Variants in TMEM26 observed in about 807,000 individuals in gnomAD.
TMEM26 encodes the protein transmembrane protein 26.
In TMEM26, 38 loss-of-function variants were observed where a neutral mutation model predicts 28.8. That is an observed-to-expected ratio of 1.32 (90% CI 1.02 to 1.73). The LOEUF is 1.73. TMEM26 is among the 40% of genes most tolerant of loss of function. The pLI is 0.00. For missense variants in TMEM26, 518 were observed against 447.1 expected (o/e 1.16, Z -1.43); for synonymous variants, 227 against 182.9 (o/e 1.24, Z -1.95).
Position 61,408,151 on chromosome 10 carries a change from A to G in TMEM26, c.*2171T>C, listed in dbSNP as rs1462328611. ...AGCTAGGTTAACAAATGCTGCCCCA[A>G]GCAGATTTTCCTGGAAAACCTTGCA... On this transcript the variant is annotated 3_prime_UTR_variant, in exon 6 of 6. Transcript: ENST00000399298. The G allele has an allele frequency of 6.6e-6, 1 of 152,212 alleles. No individual in the cohort carries two copies. The highest frequency in any genetic ancestry group is 2.4e-5 in the African/African-American group (1 of 41,444). 9.4% of individuals were successfully genotyped at this position (152,212 alleles called of 1,614,324 possible).
rs74652777 is a variant in TMEM26, at chr10:61,426,021, A to G, written c.605+2905T>C. On this transcript the variant is annotated intron_variant, in intron 4 of 5. Coordinates refer to ENST00000399298, the MANE Select transcript of TMEM26 (RefSeq NM_178505.8). ...TAGCAACATCATTCTTAATATGAAA[A>G]AGCTGGAAGTTATCCACATGTACAT... Among the ~76,000 whole-genome samples the G allele has an allele frequency of 4.8e-3, 732 of 152,254 alleles. 4 individuals carry two copies. Among genetic ancestry groups the G allele is most frequent in the African/African-American group, 0.016 (672 of 41,566 alleles).
At chr10:61,426,939 A>T (rs1489767638) in intron 4 of TMEM26, among the ~76,000 whole-genome samples, 1 of 151,974 alleles carries the variant, frequency 6.6e-6, no homozygotes, top group African/African-American at 2.4e-5. Context: ...AGAGAGAAAA[A>T]TTTTATATCC....
intron 1 of TMEM26, among the ~76,000 whole-genome samples, chr10:61,441,447 T>C (rs1269460137): frequency 6.6e-6 from 1 of 152,234 alleles, no homozygotes; most frequent in Non-Finnish European, 1.5e-5. Context: ...TTCTTGATCA[T>C]GTGTTGTCTG....
chr10:61,436,663 T>C (rs1429149752), intron 1 of TMEM26, among the ~76,000 whole-genome samples: 1 of 152,204 alleles, frequency 6.6e-6, no homozygotes, highest in East Asian at 1.9e-4. Context: ...GCTACATTTT[T>C]CAACATTAAC....
rs754711937 is a variant in TMEM26 at position 61,453,023 on chromosome 10, G to A, written c.59C>T (p.Ser20Leu). ...LATRLLFLLH[S>L]LVGVWRVTEV... ...GGTCACTCGCCAGACCCCGACCAGC[G>A]AGTGCAGCAGGAACAGCAACCGAGT... is the stretch of plus-strand genomic sequence containing the variant. Residue 20 changes from serine (S) to leucine (L), a missense_variant, in exon 1 of 6, where the codon TCG becomes TTG. Ser to Leu is a moderately radical substitution (Grantham distance 145). Coordinates refer to ENST00000399298, the MANE Select transcript of TMEM26 (RefSeq NM_178505.8). 2 of 1,613,902 alleles carry A rather than the reference G, an allele frequency of 1.2e-6. No homozygotes were observed. Among genetic ancestry groups the A allele is most frequent in the Non-Finnish European group, 1.7e-6 (2 of 1,180,032 alleles).
At position 61,410,628 on chromosome 10, in the gene TMEM26, G is replaced by A; in HGVS notation, c.801C>T (p.Pro267=). The A allele has an allele frequency of 6.2e-7, 1 of 1,614,140 alleles. No individual in the cohort carries two copies. Among genetic ancestry groups the A allele is most frequent in the Non-Finnish European group, 8.5e-7 (1 of 1,180,020 alleles). ...TCAGTATGAGACGCACGACAAGGAA[G>A]GGGCCATCTTGTATGAAGACGCTGA... ...IGISVFIQDG[P]FLVVRLILMT... The change falls in exon 6 of 6, where the codon CCC becomes CCT. Residue 267 remains proline (P), a synonymous_variant. Transcript: ENST00000399298.
In TMEM26 at chr10:61,452,900, C is replaced by CG. The variant is rs1422120929; in HGVS notation, c.181_182insC (p.Gly61AlafsTer15). On this transcript the variant is annotated frameshift_variant, in exon 1 of 6. Transcript: ENST00000399298. LOFTEE classifies it high-confidence loss of function. ...CCCGGGGCACTCTCACCATTTGTAG[C>CG]CTCTGCCGCGCTTGAACTTGAGGGT... 6.2e-7 allele frequency: 1 copy of CG among 1,613,260 alleles called. No individual in the cohort carries two copies. The highest frequency in any genetic ancestry group is 1.3e-5 in the African/African-American group (1 of 75,036).
At chr10:61,433,079 T>G (rs1470582963) in intron 2 of TMEM26, among the ~76,000 whole-genome samples, 1 of 152,170 alleles carries the variant, frequency 6.6e-6, no homozygotes. Flanking sequence ...GACCTTAATA[T>G]GTTTTTGACA....
chr10:61,413,041 T>C (rs371734464), intron 5 of TMEM26: 15 of 1,088,428 alleles, frequency 1.4e-5, no homozygotes, highest in Admixed American at 3.2e-5. Flanking sequence ...TAATAAGAAA[T>C]AAAACTTTTA....
intron 4 of TMEM26, 113 bp from the exon 5 acceptor site, chr10:61,413,648 A>G (rs1413091519): frequency 1.5e-6 from 2 of 1,342,342 alleles, no homozygotes; most frequent in African/African-American, 1.5e-5. Context: ...TGGCCAAAAT[A>G]TCTTGGTGAT....
intron 1 of TMEM26, 117 bp downstream of exon 1, chr10:61,452,773 GA>G: frequency 7.6e-7 from 1 of 1,312,138 alleles, no homozygotes; most frequent in Non-Finnish European, 1.1e-6. Flanking sequence ...GATCAGCGAG[GA>G]AAAACGGGGT....
chr10:61,452,268 T>C (rs1286677738), intron 1 of TMEM26, among the ~76,000 whole-genome samples: 2 of 152,236 alleles, frequency 1.3e-5, no homozygotes, highest in Non-Finnish European at 2.9e-5. Context: ...AACCCGTTCC[T>C]TGCAAGATAG....
intron 4 of TMEM26, among the ~76,000 whole-genome samples, chr10:61,415,561 T>C (rs1839637730): frequency 6.6e-6 from 1 of 152,052 alleles, no homozygotes; most frequent in Non-Finnish European, 1.5e-5. Context: ...TTATCTCTAT[T>C]TTATCAAGGA....
intron 1 of TMEM26, among the ~76,000 whole-genome samples, chr10:61,438,953 T>C (rs1341550140): frequency 6.6e-6 from 1 of 152,172 alleles, no homozygotes; most frequent in African/African-American, 2.4e-5. Flanking sequence ...GAAAAAGGAA[T>C]CATATTGAGG....
chr10:61,438,026 G>T (rs942248880), intron 1 of TMEM26, among the ~76,000 whole-genome samples: 3 of 152,092 alleles, frequency 2.0e-5, no homozygotes, highest in African/African-American at 7.2e-5. Context: ...GAAATGAAAA[G>T]AGAAAATTTA....
chr10:61,420,334 A>C (rs553005417), intron 4 of TMEM26, among the ~76,000 whole-genome samples: 2 of 152,254 alleles, frequency 1.3e-5, no homozygotes, highest in Admixed American at 6.5e-5. Context: ...TGGTCTTGCT[A>C]TCTCTGGGGT....
At chr10:61,431,448 C>T in intron 2 of TMEM26, 116 bp from the exon 3 acceptor site, 1 of 660,848 alleles carries the variant, frequency 1.5e-6, no homozygotes, top group Non-Finnish European at 2.6e-6. Flanking sequence ...GTTTATACAG[C>T]ATATATATAA....
chr10:61,412,376 A>C lies in TMEM26; in HGVS notation c.682+1083T>G, dbSNP rs189133632. ...CCAAATTGTTAATAATTCCAAAAAG[A>C]GGATGCTATGTTTAAAATGGCCTCA... is the stretch of plus-strand genomic sequence containing the variant. On this transcript the variant is annotated intron_variant, in intron 5 of 5. Coordinates refer to ENST00000399298, the MANE Select transcript of TMEM26 (RefSeq NM_178505.8). Among the ~76,000 whole-genome samples the C allele has an allele frequency of 4.6e-5, 7 of 152,270 alleles. No individual in the cohort carries two copies. The East Asian group carries it at 1.4e-3, about 29-fold the overall frequency.
At chr10:61,442,444 G>T (rs1840109984) in intron 1 of TMEM26, among the ~76,000 whole-genome samples, 1 of 151,962 alleles carries the variant, frequency 6.6e-6, no homozygotes, top group Non-Finnish European at 1.5e-5. Flanking sequence ...GTTTTTCTCT[G>T]TCTGTCTTCT....
Sources: allele counts gnomAD v4.1 joint callset (sites outside exome capture counted in the v4.1 genomes callset), GRCh38; gene constraint gnomAD v4.1.1; transcripts MANE v1.5; gene names NCBI Gene and HGNC (gene_info 2026-07-23, HGNC 2026-07-21).